Variants in AKIRIN1 observed in about 807,000 individuals in gnomAD.
AKIRIN1 encodes the protein akirin-1.
Under a neutral mutation model 25.9 loss-of-function variants are expected in AKIRIN1, and 4 were observed. The observed-to-expected ratio is 0.15, with a 90% CI of 0.08 to 0.35. The LOEUF (loss-of-function observed/expected upper bound fraction) is 0.35, where lower values mean the gene tolerates loss of function less well. Among genes scored for constraint, AKIRIN1 ranks in the 10% least tolerant of loss-of-function variants. AKIRIN1 has a pLI of 1.00. For missense variants in AKIRIN1, 243 were observed against 266.1 expected (o/e 0.91, Z 0.61); for synonymous variants, 125 against 105.1 (o/e 1.19, Z -1.16).
At chr1:39,003,099 A>G (rs540886354) in intron 3 of AKIRIN1, among the ~76,000 whole-genome samples, 6 of 152,332 alleles carry the variant, frequency 3.9e-5, no homozygotes, top group South Asian at 2.1e-4. Flanking sequence ...GGGAGAGGTT[A>G]TCAGGAAAAT....
At position 39,004,402 on chromosome 1, in the gene AKIRIN1, T is replaced by C. The variant is rs1193074906; in HGVS notation, c.*347T>C. On this transcript the variant is annotated 3_prime_UTR_variant, in exon 5 of 5. Transcript: ENST00000432648. ...TAAGAAGTGCGTGTGAGAGTGTGTG[T>C]ATATGTGTGTATGTGTATTTTAAGT... The C allele has an allele frequency of 6.9e-6, 3 of 435,494 alleles. No homozygotes were observed. Among genetic ancestry groups the C allele is most frequent in the Non-Finnish European group, 1.3e-5 (3 of 235,688 alleles). 27.0% of individuals were successfully genotyped at this position (435,494 alleles called of 1,614,324 possible).
chr1:38,991,658 G>A, intron 1 of AKIRIN1, 58 bp downstream of exon 1: 4 of 1,020,240 alleles, frequency 3.9e-6, no homozygotes, highest in Non-Finnish European at 5.1e-6. Context: ...TTTTGGGGGG[G>A]GTGGTGGGGG....
At chr1:38,999,053 C>G (rs1255984321) in intron 2 of AKIRIN1, among the ~76,000 whole-genome samples, 1 of 152,068 alleles carries the variant, frequency 6.6e-6, no homozygotes, top group African/African-American at 2.4e-5. Flanking sequence ...AGAGGATGTG[C>G]TAAAAAATAG....
Position 39,003,957 on chromosome 1 carries a change from C to T in AKIRIN1, c.569-88C>T, listed in dbSNP as rs567432060. 132 of 1,164,324 alleles carry T rather than the reference C, an allele frequency of 1.1e-4. 2 individuals are homozygous for T. In the South Asian group the frequency reaches 1.7e-3, roughly 15 times the overall value. 72.1% of individuals were successfully genotyped at this position (1,164,324 alleles called of 1,614,324 possible). A position where few individuals can be genotyped will look rare whatever the true frequency, so the allele number is the denominator to read the frequency against. On this transcript the variant is annotated intron_variant, in intron 4 of 4. Transcript: ENST00000432648. ...GTGAGTCATCGTTCATGCTATTTCT[C>T]ACATTTACTGTTAGTGAAAATTTTT... is the stretch of plus-strand genomic sequence containing the variant.
At chr1:38,995,015 A>G (rs1166547516) in intron 1 of AKIRIN1, among the ~76,000 whole-genome samples, 3 of 151,298 alleles carry the variant, frequency 2.0e-5, no homozygotes, top group African/African-American at 7.3e-5. Context: ...TTTTTTTGTC[A>G]AGACAGGGTT....
intron 3 of AKIRIN1, among the ~76,000 whole-genome samples, chr1:39,002,025 AAG>A (rs1643996361): frequency 6.6e-6 from 1 of 152,238 alleles, no homozygotes; most frequent in Admixed American, 6.5e-5. Flanking sequence ...TTGTGAAAGA[AAG>A]AGATCTGAAT....
At chr1:38,999,296 G>T (rs188178295) in intron 2 of AKIRIN1, among the ~76,000 whole-genome samples, 1 of 152,282 alleles carries the variant, frequency 6.6e-6, no homozygotes, top group East Asian at 1.9e-4. Context: ...TATAAACTGG[G>T]GTTTGCCCGG....
chr1:38,998,333 A>G lies in AKIRIN1; in HGVS notation c.361+22A>G, dbSNP rs4147762. ...CCAGGTAAGCCCACTTTGATCTGCAAAATTCGCATTAAGAGTTTGTAAATG... is the reference window on the plus strand; with the variant it reads ...CCAGGTAAGCCCACTTTGATCTGCAGAATTCGCATTAAGAGTTTGTAAATG... On this transcript the variant is annotated intron_variant, in intron 2 of 4. Coordinates refer to ENST00000432648, the MANE Select transcript of AKIRIN1 (RefSeq NM_024595.3). 3.3e-4 allele frequency: 529 copies of G among 1,584,710 alleles called. 8 individuals are homozygous for G. The East Asian group carries it at 0.012, about 35-fold the overall frequency.
chr1:38,995,862 G>C (rs534626648), intron 1 of AKIRIN1, among the ~76,000 whole-genome samples: 1 of 152,264 alleles, frequency 6.6e-6, no homozygotes, highest in Non-Finnish European at 1.5e-5. Context: ...GTGAAACTCT[G>C]TCTCTACTAA....
chr1:38,993,747 T>C (rs1323793705), intron 1 of AKIRIN1, among the ~76,000 whole-genome samples: 1 of 151,962 alleles, frequency 6.6e-6, no homozygotes, highest in Non-Finnish European at 1.5e-5. Context: ...GAGACAAGTC[T>C]GTGCAACATA....
Position 39,001,003 on chromosome 1 carries a change from A to G in AKIRIN1, c.393A>G (p.Thr131=), listed in dbSNP as rs1298893257. The G allele has an allele frequency of 1.9e-6, 3 of 1,613,484 alleles. No individual in the cohort carries two copies. Among genetic ancestry groups the G allele is most frequent in the South Asian group, 2.2e-5 (2 of 90,974 alleles). ...GSSWMKKDQP[T]FTLRQVGIIC... ...CATGGATGAAGAAGGACCAGCCCAC[A>G]TTTACCCTCCGACAAGTTGGCATAA... Residue 131 remains threonine, a synonymous_variant, in exon 3 of 5, where the codon ACA becomes ACG. Transcript: ENST00000432648.
At chr1:38,991,838 G>A (rs1309018029) in intron 1 of AKIRIN1, among the ~76,000 whole-genome samples, 1 of 152,134 alleles carries the variant, frequency 6.6e-6, no homozygotes, top group Non-Finnish European at 1.5e-5. Flanking sequence ...AGCCTGGAGG[G>A]GTGGACACCA....
At position 39,000,979 on chromosome 1, in the gene AKIRIN1, A is replaced by C. The variant is rs754677868; in HGVS notation, c.369A>C (p.Ser123=). Residue 123 remains serine (S), a synonymous_variant, in exon 3 of 5, where the codon TCA becomes TCC. Transcript: ENST00000432648. ...ACTTTTTCTTTTGGCCAGGTTCCTC[A>C]TGGATGAAGAAGGACCAGCCCACAT... ...ALTAPSSPGS[S]WMKKDQPTFT... The C allele has an allele frequency of 4.5e-5, 73 of 1,610,786 alleles. No individual in the cohort carries two copies. The Admixed American group carries it at 1.2e-3, about 26-fold the overall frequency.
chr1:38,994,715 G>A (rs1379597615), intron 1 of AKIRIN1, among the ~76,000 whole-genome samples: 2 of 73,662 alleles, frequency 2.7e-5, no homozygotes, highest in African/African-American at 5.8e-5. Flanking sequence ...TTGAGATGAC[G>A]TTTCGCTCTT....
chr1:38,991,304 C>G lies in AKIRIN1; in HGVS notation c.-77C>G. ...GGAGGCGCCATTGGAGCCGGCTTGG[C>G]TGGCGAGCCCGGCTGAGGAGCCTCT... is the stretch of plus-strand genomic sequence containing the variant. On this transcript the variant is annotated 5_prime_UTR_variant, in exon 1 of 5. Coordinates refer to ENST00000432648, the MANE Select transcript of AKIRIN1 (RefSeq NM_024595.3). 1 of 1,252,264 alleles carries G rather than the reference C, an allele frequency of 8.0e-7. No homozygotes were observed. The highest frequency in any genetic ancestry group is 1.0e-6 in the Non-Finnish European group (1 of 981,440). 77.6% of individuals were successfully genotyped at this position (1,252,264 alleles called of 1,614,324 possible).
chr1:39,000,345 CTT>C (rs3078308), intron 2 of AKIRIN1, among the ~76,000 whole-genome samples: 214 of 128,238 alleles, frequency 1.7e-3, no homozygotes, highest in Middle Eastern at 0.012. Flanking sequence ...TTTTCTTTTT[CTT>C]TTTTTTTTTT....
intron 4 of AKIRIN1, 105 bp downstream of exon 4, chr1:39,003,523 G>A (rs1570977889): frequency 9.7e-7 from 1 of 1,036,064 alleles, no homozygotes; most frequent in East Asian, 2.4e-5. Context: ...AGTAAAATGT[G>A]CCCAGCACTA....
intron 3 of AKIRIN1, among the ~76,000 whole-genome samples, chr1:39,001,998 G>T (rs1277958997): frequency 6.6e-6 from 1 of 152,202 alleles, no homozygotes; most frequent in Non-Finnish European, 1.5e-5. Flanking sequence ...ATTAATGATG[G>T]CAACAATTAA....
At chr1:38,993,897 C>T (rs558471481) in intron 1 of AKIRIN1, among the ~76,000 whole-genome samples, 12 of 151,742 alleles carry the variant, frequency 7.9e-5, no homozygotes, top group Non-Finnish European at 1.6e-4. Flanking sequence ...ATGGAGAAAT[C>T]CTGTCTCTAC....
Sources: allele counts gnomAD v4.1 joint callset (sites outside exome capture counted in the v4.1 genomes callset), GRCh38; gene constraint gnomAD v4.1.1; transcripts MANE v1.5; gene names NCBI Gene and HGNC (gene_info 2026-07-23, HGNC 2026-07-21).